The following COPRS variants were observed in gnomAD, a reference collection of about 807,000 sequenced individuals.
The protein encoded by COPRS is coordinator of PRMT5 and differentiation stimulator.
Under a neutral mutation model 19.9 loss-of-function variants are expected in COPRS, and 11 were observed. The ratio of observed to expected loss-of-function variants is 0.55; its 90% CI spans 0.35 to 0.92. COPRS has a LOEUF of 0.92. Among genes scored for constraint, COPRS ranks in the 40% least tolerant of loss-of-function variants. The pLI is 0.01. For synonymous variants in COPRS, 81 were observed against 82.7 expected (o/e 0.98, Z 0.11); for missense variants, 225 against 229.9 (o/e 0.98, Z 0.14).
At chr17:31,857,883 G>C (rs1361449246) in intron 1 of COPRS, among the ~76,000 whole-genome samples, 1 of 151,946 alleles carries the variant, frequency 6.6e-6, no homozygotes, top group African/African-American at 2.4e-5. Flanking sequence ...AACTGTACTC[G>C]GCACCTGCTC....
In COPRS at chr17:31,856,948, A is replaced by G. The variant is rs1452751011; in HGVS notation, c.100-83T>C. The G allele has an allele frequency of 2.2e-5, 18 of 802,024 alleles. No homozygotes were observed. In the East Asian group the frequency reaches 4.5e-4, roughly 20 times the overall value. 49.7% of individuals were successfully genotyped at this position (802,024 alleles called of 1,614,324 possible). A position where few individuals can be genotyped will look rare whatever the true frequency, so the allele number is the denominator to read the frequency against. On this transcript the variant is annotated intron_variant, in intron 1 of 3. Coordinates refer to ENST00000302362, the MANE Select transcript of COPRS (RefSeq NM_018405.4). ...CAGCTATTGCATCTCAACCCCACCC[A>G]CTCTTCCATACTCCCCTTGGTGATG...
chr17:31,857,724 C>G (rs1402813578), intron 1 of COPRS, among the ~76,000 whole-genome samples: 1 of 152,206 alleles, frequency 6.6e-6, no homozygotes, highest in Non-Finnish European at 1.5e-5. Context: ...ACTTCAATTA[C>G]TGTGCCTGAG....
At chr17:31,855,628 G>GT in intron 2 of COPRS, among the ~76,000 whole-genome samples, 1 of 152,042 alleles carries the variant, frequency 6.6e-6, no homozygotes, top group Admixed American at 6.5e-5. Flanking sequence ...AGAGGTTGCA[G>GT]TGAGCCAAGA....
At position 31,852,025 on chromosome 17, in the gene COPRS, C is replaced by T. The variant is rs1909179077; in HGVS notation, c.*114G>A. On this transcript the variant is annotated 3_prime_UTR_variant, in exon 4 of 4. Coordinates refer to ENST00000302362, the MANE Select transcript of COPRS (RefSeq NM_018405.4). ...CAATAAGGAACACTGGTCTGTGTAC[C>T]CCAGACTAGGGGTCACTGCAAACAT... 7.3e-6 allele frequency: 9 copies of T among 1,233,884 alleles called. No homozygotes were observed. Among genetic ancestry groups the T allele is most frequent in the Non-Finnish European group, 1.0e-5 (9 of 861,800 alleles). 76.4% of individuals were successfully genotyped at this position (1,233,884 alleles called of 1,614,324 possible).
chr17:31,858,434 G>C, intron 1 of COPRS: 1 of 984,212 alleles, frequency 1.0e-6, no homozygotes, highest in Non-Finnish European at 1.2e-6. Context: ...TCCTGTGCCA[G>C]GCACTATGCT....
chr17:31,858,751 C>T, intron 1 of COPRS: 1 of 1,550,446 alleles, frequency 6.4e-7, no homozygotes, highest in Non-Finnish European at 8.7e-7. Context: ...CTCCTCGCCG[C>T]CCTCACCTGG....
chr17:31,855,765 G>A (rs1333110208), intron 2 of COPRS, among the ~76,000 whole-genome samples: 1 of 152,006 alleles, frequency 6.6e-6, no homozygotes, highest in Non-Finnish European at 1.5e-5. Flanking sequence ...AGAGGCTGAG[G>A]CAGATGGATC....
intron 1 of COPRS, among the ~76,000 whole-genome samples, 172 bp from the exon 2 acceptor site, chr17:31,857,037 G>A (rs180722933): frequency 3.3e-3 from 500 of 152,330 alleles, no homozygotes; most frequent in Non-Finnish European, 5.0e-3. Flanking sequence ...AGGCTGGAGG[G>A]AGATGGGCCT....
chr17:31,858,180 T>G (rs1909420125), intron 1 of COPRS, among the ~76,000 whole-genome samples: 1 of 152,194 alleles, frequency 6.6e-6, no homozygotes, highest in Non-Finnish European at 1.5e-5. Context: ...CTGTTGAGCA[T>G]AGTTCTCTGC....
Position 31,855,604 on chromosome 17 carries a change from TG to T in COPRS, c.166+1194del, listed in dbSNP as rs1319055345. 2.6e-5 allele frequency among the ~76,000 whole-genome samples: 4 copies of T among 151,522 alleles called. No individual in the cohort carries two copies. In the East Asian group the frequency reaches 7.7e-4, roughly 29 times the overall value. ...AGGAGGCTGAGGCACGAGAATCACTTGAACCCGGGAGACAGAGGTTGCAGTG... is the reference window on the plus strand; with the variant it reads ...AGGAGGCTGAGGCACGAGAATCACTTAACCCGGGAGACAGAGGTTGCAGTG... On this transcript the variant is annotated intron_variant, in intron 2 of 3. Coordinates refer to ENST00000302362, the MANE Select transcript of COPRS (RefSeq NM_018405.4).
rs954530613 is a variant in COPRS at position 31,858,718 on chromosome 17, C to T, written c.99+383G>A. 2.0e-6 allele frequency: 3 copies of T among 1,535,698 alleles called. No individual in the cohort carries two copies. In the African/African-American group the frequency reaches 4.1e-5, roughly 21 times the overall value. ...ATCCCCACCAACGGACAGAGGTCCA[C>T]AGGTCTGTAAAGTCAAGTCCCTCTC... On this transcript the variant is annotated intron_variant, in intron 1 of 3. Transcript: ENST00000302362.
intron 1 of COPRS, 75 bp downstream of exon 1, chr17:31,859,026 C>T (rs12950707): frequency 3.4e-6 from 4 of 1,187,428 alleles, no homozygotes; most frequent in African/African-American, 3.2e-5. Flanking sequence ...CCGCGGCCCC[C>T]GCCCAGCCCG....
chr17:31,853,484 A>G (rs1479876310), intron 2 of COPRS, among the ~76,000 whole-genome samples: 1 of 151,680 alleles, frequency 6.6e-6, no homozygotes, highest in Non-Finnish European at 1.5e-5. Context: ...AGGTTCAAGC[A>G]ATTCTCTGCC....
At chr17:31,853,755 G>C (rs901712991) in intron 2 of COPRS, among the ~76,000 whole-genome samples, 2 of 152,130 alleles carry the variant, frequency 1.3e-5, no homozygotes, top group Non-Finnish European at 2.9e-5. Flanking sequence ...GGGGAGCAGG[G>C]GCACTGCAGG....
intron 2 of COPRS, among the ~76,000 whole-genome samples, chr17:31,853,423 C>G (rs1348986475): frequency 6.6e-6 from 1 of 151,546 alleles, no homozygotes; most frequent in African/African-American, 2.4e-5. Context: ...CTCTGTCGCC[C>G]AGGCTGGAAT....
chr17:31,857,030 C>A (rs1448430212), intron 1 of COPRS, among the ~76,000 whole-genome samples, 165 bp from the exon 2 acceptor site: 1 of 152,192 alleles, frequency 6.6e-6, no homozygotes, highest in Non-Finnish European at 1.5e-5. Context: ...CTGAGCAAGG[C>A]TGGAGGGAGA....
chr17:31,856,063 A>G (rs933641693), intron 2 of COPRS, among the ~76,000 whole-genome samples: 2 of 149,100 alleles, frequency 1.3e-5, no homozygotes, highest in Non-Finnish European at 3.0e-5. Flanking sequence ...GCACTTTGGG[A>G]GCGTGGGCTC....
At chr17:31,855,793 C>T (rs573033696) in intron 2 of COPRS, among the ~76,000 whole-genome samples, 4 of 151,896 alleles carry the variant, frequency 2.6e-5, no homozygotes, top group South Asian at 4.2e-4. Context: ...GTCAGGAGTT[C>T]GAGACCAGCC....
Position 31,853,017 on chromosome 17 carries a change from C to T in COPRS, c.180G>A (p.Gln60=). 1 of 1,613,320 alleles carries T rather than the reference C, an allele frequency of 6.2e-7. No individual in the cohort carries two copies. Among genetic ancestry groups the T allele is most frequent in the Non-Finnish European group, 8.5e-7 (1 of 1,179,236 alleles). The change falls in exon 3 of 4, where the codon CAG becomes CAA. Residue 60 remains glutamine (Q), a synonymous_variant. Transcript: ENST00000302362. ...KAMDRLARGT[Q]SIPNDSPARG... ...GGGCAGGACTGTCATTAGGAATGCTCTGTGTTCCACGGGCTAAATTGACAA... is the reference window on the plus strand; with the variant it reads ...GGGCAGGACTGTCATTAGGAATGCTTTGTGTTCCACGGGCTAAATTGACAA...
Sources: gnomAD v4.1 joint callset for allele counts (sites outside exome capture counted in the v4.1 genomes callset) on GRCh38, gnomAD v4.1.1 for gene constraint, MANE v1.5 for transcripts, NCBI Gene and HGNC (gene_info 2026-07-23, HGNC 2026-07-21) for gene names.